DMRT1: variants seen among roughly 807,000 people sequenced by gnomAD.
DMRT1 encodes doublesex- and mab-3-related transcription factor 1.
DMRT1 carries 7 observed loss-of-function variants against 32.3 expected under a neutral mutation model. The ratio of observed to expected loss-of-function variants is 0.22; its 90% CI spans 0.12 to 0.41. DMRT1 has a LOEUF of 0.41. Among genes scored for constraint, DMRT1 ranks in the 10% least tolerant of loss-of-function variants. DMRT1 has a pLI of 1.00. For synonymous variants in DMRT1, 278 were observed against 206.1 expected (o/e 1.35, Z -2.99); for missense variants, 625 against 500.5 (o/e 1.25, Z -2.37).
chr9:916,195 CCTG>C (rs900255307), intron 3 of DMRT1, among the ~76,000 whole-genome samples: 1 of 152,144 alleles, frequency 6.6e-6, no homozygotes, highest in African/African-American at 2.4e-5. Flanking sequence ...TCTCCACCAC[CCTG>C]TTCTCTTTTG....
intron 4 of DMRT1, among the ~76,000 whole-genome samples, chr9:960,559 C>T (rs1819738838): frequency 1.3e-5 from 2 of 152,190 alleles, no homozygotes; most frequent in African/African-American, 4.8e-5. Context: ...TTATTACCTT[C>T]CTTTACAATT....
intron 2 of DMRT1, 32 bp from the exon 3 acceptor site, chr9:893,880 A>G (rs750039344): frequency 6.2e-7 from 1 of 1,601,124 alleles, no homozygotes; most frequent in South Asian, 1.1e-5. Flanking sequence ...CATTAATACC[A>G]TGTTGTATTT....
chr9:927,151 C>T (rs1271592906), intron 4 of DMRT1, among the ~76,000 whole-genome samples: 1 of 152,240 alleles, frequency 6.6e-6, no homozygotes, highest in African/African-American at 2.4e-5. Context: ...CTTGCCTCTT[C>T]AGAGGCACGG....
chr9:954,724 C>T (rs868003246), intron 4 of DMRT1, among the ~76,000 whole-genome samples: 2 of 152,154 alleles, frequency 1.3e-5, no homozygotes, highest in Non-Finnish European at 2.9e-5. Context: ...TCACTGTAAC[C>T]TGTGCCTCCC....
intron 4 of DMRT1, among the ~76,000 whole-genome samples, chr9:952,842 G>A (rs934529704): frequency 6.6e-6 from 1 of 152,212 alleles, no homozygotes; most frequent in African/African-American, 2.4e-5. Flanking sequence ...GTAACATTAA[G>A]GGTGAAATTA....
At chr9:890,778 G>A (rs550494556) in intron 2 of DMRT1, among the ~76,000 whole-genome samples, 6 of 152,112 alleles carry the variant, frequency 3.9e-5, no homozygotes, top group East Asian at 3.9e-4. Flanking sequence ...GCAGTGACGC[G>A]ATCTCTGCTC....
At chr9:871,499 A>ATTTTTTTTT (rs56390211) in intron 2 of DMRT1, among the ~76,000 whole-genome samples, 1 of 115,094 alleles carries the variant, frequency 8.7e-6, no homozygotes, top group Non-Finnish European at 1.7e-5. Context: ...CGCCCGGCTA[A>ATTTTTTTTT]TTTTTTTTTT....
intron 4 of DMRT1, among the ~76,000 whole-genome samples, chr9:917,910 A>G (rs1818234614): frequency 1.3e-5 from 2 of 152,238 alleles, no homozygotes; most frequent in Non-Finnish European, 2.9e-5. Context: ...CGAAGTACAC[A>G]TTGTTGATTG....
intron 2 of DMRT1, among the ~76,000 whole-genome samples, chr9:891,813 C>T (rs1467763729): frequency 2.6e-5 from 4 of 152,108 alleles, no homozygotes; most frequent in Admixed American, 1.3e-4. Flanking sequence ...CGTGGGCCAC[C>T]GTGCCTGGCT....
chr9:889,340 A>G (rs1346212050), intron 2 of DMRT1, among the ~76,000 whole-genome samples: 1 of 152,248 alleles, frequency 6.6e-6, no homozygotes, highest in Non-Finnish European at 1.5e-5. Flanking sequence ...ACATTTTAAC[A>G]GCGTAAAGGC....
intron 2 of DMRT1, among the ~76,000 whole-genome samples, chr9:884,892 C>T (rs190279584): frequency 4.6e-5 from 7 of 152,278 alleles, no homozygotes; most frequent in Admixed American, 2.6e-4. Context: ...ATCACTTGAA[C>T]CCAAGAAGTG....
chr9:924,027 C>T (rs1356426480), intron 4 of DMRT1, among the ~76,000 whole-genome samples: 1 of 151,380 alleles, frequency 6.6e-6, no homozygotes, highest in African/African-American at 2.4e-5. Flanking sequence ...CGAGGTCTTG[C>T]TCAGGTCCCC....
At chr9:878,200 G>GCCC (rs34336062) in intron 2 of DMRT1, among the ~76,000 whole-genome samples, 3,142 of 93,804 alleles carry the variant, frequency 0.033, 95 homozygotes, top group African/African-American at 0.074. Context: ...TGCAGCTGCT[G>GCCC]CCCCCCCCCC....
chr9:852,059 C>A (rs1033668072), intron 2 of DMRT1, among the ~76,000 whole-genome samples: 2 of 151,694 alleles, frequency 1.3e-5, no homozygotes, highest in Admixed American at 6.6e-5. Flanking sequence ...GGTGCCTGAG[C>A]CTCTTGAGTA....
At chr9:856,705 G>T (rs959904641) in intron 2 of DMRT1, among the ~76,000 whole-genome samples, 4 of 152,172 alleles carry the variant, frequency 2.6e-5, no homozygotes, top group Non-Finnish European at 5.9e-5. Flanking sequence ...GAACTTGTGT[G>T]CAAGAGTTTT....
intron 2 of DMRT1, among the ~76,000 whole-genome samples, chr9:848,159 T>A (rs1838984391): frequency 6.6e-6 from 1 of 152,196 alleles, no homozygotes; most frequent in Admixed American, 6.5e-5. Context: ...TGACTAAGCT[T>A]TCATGAATTA....
At chr9:944,185 G>A (rs1308320647) in intron 4 of DMRT1, among the ~76,000 whole-genome samples, 5 of 152,142 alleles carry the variant, frequency 3.3e-5, no homozygotes, top group East Asian at 1.9e-4. Context: ...CACTGCACCC[G>A]GCACATGAGT....
chr9:916,556 GA>G (rs919939797), intron 3 of DMRT1, among the ~76,000 whole-genome samples: 6 of 152,076 alleles, frequency 3.9e-5, no homozygotes, highest in African/African-American at 1.4e-4. Flanking sequence ...TTTTTATGTA[GA>G]AAAGAGGTTT....
At chr9:919,011 C>T (rs928629718) in intron 4 of DMRT1, among the ~76,000 whole-genome samples, 1 of 152,082 alleles carries the variant, frequency 6.6e-6, no homozygotes, top group Non-Finnish European at 1.5e-5. Context: ...AGCATGTTAG[C>T]CCTTCTGGGA....
Sources: allele counts gnomAD v4.1 joint callset (sites outside exome capture counted in the v4.1 genomes callset), GRCh38; gene constraint gnomAD v4.1.1; transcripts MANE v1.5; gene names NCBI Gene and HGNC (gene_info 2026-07-23, HGNC 2026-07-21).